CAMK2A: variants seen among roughly 807,000 people sequenced by gnomAD.
The protein encoded by CAMK2A is calcium/calmodulin dependent protein kinase II alpha.
In CAMK2A, 7 loss-of-function variants were observed where a neutral mutation model predicts 79.2. The observed-to-expected ratio is 0.09, with a 90% CI of 0.05 to 0.17. The LOEUF is 0.17. Among genes scored for constraint, CAMK2A ranks in the 10% least tolerant of loss-of-function variants. The probability of loss-of-function intolerance (pLI) is 1.00; values close to 1 mark genes in which losing one functional copy is unlikely to be tolerated. For synonymous variants in CAMK2A, 242 were observed against 251.7 expected, an observed-to-expected ratio of 0.96 and a Z score of 0.36; for missense variants, 214 against 646.4, an observed-to-expected ratio of 0.33 and a Z score of 7.25.
intron 6 of CAMK2A, among the ~76,000 whole-genome samples, chr5:150,253,830 C>T (rs552285328): frequency 4.0e-5 from 6 of 151,432 alleles, no homozygotes; most frequent in South Asian, 2.1e-4. Context: ...GAGGTGAGAG[C>T]GGGGTGGTAC....
rs57886187 is a variant in CAMK2A, at chr5:150,287,937, CTGTGTGTGTGTGTG to C, written c.62+1613_62+1626del. On this transcript the variant is annotated intron_variant, in intron 1 of 18. Transcript: ENST00000671881. The stretch of plus-strand genomic sequence containing the variant: ...GTGGTGCATGCCTGTAGGATAGCCT[CTGTGTGTGTGTGTG>C]TGTGTGTGTGTGTGTGTGTGTGTGT... Among the ~76,000 whole-genome samples the C allele has an allele frequency of 4.1e-4, 58 of 140,878 alleles. 1 individual carries two copies. Among genetic ancestry groups the C allele is most frequent in the Admixed American group, 2.8e-4 (4 of 14,296 alleles). 92.4% of individuals were successfully genotyped at this position (140,878 alleles called of 152,430 possible).
In CAMK2A at chr5:150,289,721, G is replaced by T. The variant is rs1283821105; in HGVS notation, c.-96C>A. The T allele has an allele frequency of 3.3e-6, 3 of 907,328 alleles. No homozygotes were observed. In the East Asian group the frequency reaches 7.5e-5, roughly 23 times the overall value. 56.2% of individuals were successfully genotyped at this position (907,328 alleles called of 1,614,324 possible). A position where few individuals can be genotyped will look rare whatever the true frequency, so the allele number is the denominator to read the frequency against. On this transcript the variant is annotated 5_prime_UTR_variant, in exon 1 of 19. Transcript: ENST00000671881. ...GAACCTAGGGACCACTTGCCTGCCC[G>T]TGCTGCCGAGTGCAAACAGAGAACC...
chr5:150,262,649 A>G (rs886923502), intron 3 of CAMK2A, among the ~76,000 whole-genome samples: 3 of 152,122 alleles, frequency 2.0e-5, no homozygotes, highest in Non-Finnish European at 4.4e-5. Context: ...TGACTCAATG[A>G]TGATGATGAT....
intron 1 of CAMK2A, among the ~76,000 whole-genome samples, chr5:150,280,663 G>T (rs1382908686): frequency 6.6e-6 from 1 of 151,826 alleles, no homozygotes; most frequent in Non-Finnish European, 1.5e-5. Context: ...ACCCCTTGCA[G>T]TCCCCGCTGG....
intron 9 of CAMK2A, 121 bp from the exon 10 acceptor site, chr5:150,250,931 C>A: frequency 8.7e-7 from 1 of 1,147,908 alleles, no homozygotes; most frequent in South Asian, 1.5e-5. Flanking sequence ...CGGACATCCA[C>A]ACCAGGAGGA....
rs1757349952 is a variant in CAMK2A, at chr5:150,284,646, TC to T, written c.62+4917del. On this transcript the variant is annotated intron_variant, in intron 1 of 18. Transcript: ENST00000671881. The surrounding 1 kb of genome is among the most constrained non-coding windows in gnomAD (Gnocchi z 5.3). The stretch of plus-strand genomic sequence containing the variant: ...CTTGGAGGAGAGGGAGGAAAGCTCG[TC>T]CCTTCCCTGTTCCTGCCACCCTTTC... Among the ~76,000 whole-genome samples the T allele has an allele frequency of 6.6e-6, 1 of 152,140 alleles. No homozygotes were observed. The highest frequency in any genetic ancestry group is 1.5e-5 in the Non-Finnish European group (1 of 68,010).
At chr5:150,262,979 T>C (rs886904907) in intron 3 of CAMK2A, among the ~76,000 whole-genome samples, 3 of 152,182 alleles carry the variant, frequency 2.0e-5, no homozygotes, top group Non-Finnish European at 4.4e-5. Context: ...ATATGGAGTT[T>C]TAGGCAAGAA....
In CAMK2A at chr5:150,289,664, G is replaced by C. The variant is rs373285975; in HGVS notation, c.-39C>G. On this transcript the variant is annotated 5_prime_UTR_variant, in exon 1 of 19. Transcript: ENST00000671881. The stretch of plus-strand genomic sequence containing the variant: ...AGGCAGGTGAGGCTTGGGACTGGGG[G>C]ACCAGGACTGAGGCGCTGCTGCTCT... 2 of 1,554,900 alleles carry C rather than the reference G, an allele frequency of 1.3e-6. No homozygotes were observed. The highest frequency in any genetic ancestry group is 8.9e-7 in the Non-Finnish European group (1 of 1,127,970).
At chr5:150,269,989 C>G (rs1049610963) in intron 2 of CAMK2A, among the ~76,000 whole-genome samples, 1 of 152,164 alleles carries the variant, frequency 6.6e-6, no homozygotes, top group African/African-American at 2.4e-5. Context: ...CATGCTCGAG[C>G]TGGAGAGTGG....
At chr5:150,260,513 G>C (rs549951634) in intron 3 of CAMK2A, among the ~76,000 whole-genome samples, 2 of 151,106 alleles carry the variant, frequency 1.3e-5, no homozygotes, top group African/African-American at 4.9e-5. Flanking sequence ...TTGGTGTGTA[G>C]AATCTGGCAA....
rs944928774 is a variant in CAMK2A, at chr5:150,227,300, T to C, written c.1237+892A>G. ...GAAAACAGGCTAGCACCCAGCAGAGTCTTTCCCCCTGATGGAGCCAGAGTA... is the reference window on the plus strand; with the variant it reads ...GAAAACAGGCTAGCACCCAGCAGAGCCTTTCCCCCTGATGGAGCCAGAGTA... On this transcript the variant is annotated intron_variant, in intron 17 of 18. Transcript: ENST00000671881. Among the ~76,000 whole-genome samples the C allele has an allele frequency of 7.2e-5, 11 of 151,782 alleles. No individual in the cohort carries two copies. In the East Asian group the frequency reaches 1.9e-3, roughly 27 times the overall value.
rs563916786 is a variant in CAMK2A at position 150,222,352 on chromosome 5, C to T, written c.*358G>A. The T allele has an allele frequency of 1.5e-3, 916 of 603,128 alleles. 3 individuals are homozygous for T. The African/African-American group carries it at 0.018, about 12-fold the overall frequency. The allele number at this position is 603,128 out of a possible 1,614,324, so 37.4% of individuals were successfully genotyped here. A position where few individuals can be genotyped will look rare whatever the true frequency, so the allele number is the denominator to read the frequency against. ...CTCATCATGCCACCCCTCCTTCTCC[C>T]CAGCCCCTGGTGGGCACCAGCCCGG... On this transcript the variant is annotated 3_prime_UTR_variant, in exon 19 of 19. Transcript: ENST00000671881.
At chr5:150,257,339 C>T (rs934577363) in intron 4 of CAMK2A, among the ~76,000 whole-genome samples, 4 of 152,232 alleles carry the variant, frequency 2.6e-5, no homozygotes, top group African/African-American at 9.6e-5. Context: ...ACCAGCATCA[C>T]TGGCCACAAA....
At chr5:150,263,613 G>A (rs904263287) in intron 3 of CAMK2A, among the ~76,000 whole-genome samples, 7 of 149,834 alleles carry the variant, frequency 4.7e-5, no homozygotes, top group East Asian at 2.0e-4. Flanking sequence ...GCACACATTC[G>A]CACTCACACT....
intron 13 of CAMK2A, among the ~76,000 whole-genome samples, chr5:150,241,223 T>C (rs968241643): frequency 3.3e-5 from 5 of 152,176 alleles, no homozygotes; most frequent in South Asian, 2.1e-4. Context: ...GGGGCATAAA[T>C]GCTCACAGAC....
rs1195924042 is a variant in CAMK2A, at chr5:150,223,941, A to G, written c.1238-724T>C. On this transcript the variant is annotated intron_variant, in intron 17 of 18. Coordinates refer to ENST00000671881, the MANE Select transcript of CAMK2A (RefSeq NM_015981.4). This position sits in a 1 kb window ranked among gnomAD's most constrained non-coding sequence, Gnocchi z 4.1. ...GTATATCTACTTCTACTGTATATCT[A>G]CTTCTACTGTAGATATACAGAATTG... Among the ~76,000 whole-genome samples the G allele has an allele frequency of 1.3e-5, 2 of 152,176 alleles. No individual in the cohort carries two copies. Among genetic ancestry groups the G allele is most frequent in the Non-Finnish European group, 2.9e-5 (2 of 68,032 alleles).
At position 150,273,163 on chromosome 5, in the gene CAMK2A, G is replaced by T; in HGVS notation, c.63-4C>A. Reference sequence around the variant, plus strand: ...TCGCACCACCGAGAAGGCTCCCCTAGGAGGACAGAGAAGGTGGAGAGGGTG... The same window carrying T: ...TCGCACCACCGAGAAGGCTCCCCTATGAGGACAGAGAAGGTGGAGAGGGTG... On this transcript the variant is annotated splice_polypyrimidine_tract_variant and splice_region_variant and intron_variant, in intron 1 of 18. Transcript: ENST00000671881. 6.2e-7 allele frequency: 1 copy of T among 1,611,472 alleles called. No homozygotes were observed. Among genetic ancestry groups the T allele is most frequent in the Non-Finnish European group, 8.5e-7 (1 of 1,178,358 alleles).
chr5:150,261,584 G>A (rs1756308207), intron 3 of CAMK2A, among the ~76,000 whole-genome samples: 1 of 152,176 alleles, frequency 6.6e-6, no homozygotes, highest in African/African-American at 2.4e-5. Flanking sequence ...GCATGCCTGT[G>A]ATTTTCCGAC....
intron 3 of CAMK2A, among the ~76,000 whole-genome samples, chr5:150,263,401 CACTT>C (rs199788370): frequency 0.015 from 2,314 of 151,992 alleles, 198 homozygotes; most frequent in Admixed American, 0.14. Context: ...CACACACACA[CACTT>C]ACACAGACTC....
Sources: allele counts gnomAD v4.1 joint callset (sites outside exome capture counted in the v4.1 genomes callset), GRCh38; gene constraint gnomAD v4.1.1; non-coding constraint Gnocchi (gnomAD v3.1); transcripts MANE v1.5; gene names NCBI Gene and HGNC (gene_info 2026-07-23, HGNC 2026-07-21).